Variants in RASAL2 observed in about 807,000 individuals in gnomAD.
RASAL2 encodes the protein RAS protein activator like 2.
A neutral mutation model predicts 128.9 loss-of-function variants in RASAL2; 58 were observed. The ratio of observed to expected loss-of-function variants is 0.45; its 90% confidence interval spans 0.36 to 0.56. RASAL2 has a LOEUF of 0.56. Among genes scored for constraint, RASAL2 ranks in the 20% least tolerant of loss-of-function variants. RASAL2 has a pLI of 0.00. For synonymous variants in RASAL2, 561 were observed against 580.8 expected (o/e 0.97, Z 0.49); for missense variants, 1,360 against 1,601.6 (o/e 0.85, Z 2.57).
Position 178,297,918 on chromosome 1 carries a change from T to C in RASAL2, c.331-2074T>C, listed in dbSNP as rs377115341. ...TTATTTGGATATGGCGTTTATAAAT[T>C]TGCATAGAAAAAATATTTCCTCCTA... On this transcript the variant is annotated intron_variant, in intron 2 of 17. Transcript: ENST00000367649. Among the ~76,000 whole-genome samples, 14 of 152,280 alleles carry C rather than the reference T, an allele frequency of 9.2e-5. No individual in the cohort carries two copies. In the East Asian group the frequency reaches 1.5e-3, roughly 17 times the overall value.
intron 3 of RASAL2, among the ~76,000 whole-genome samples, chr1:178,348,340 T>C (rs1389861136): frequency 2.0e-5 from 3 of 152,160 alleles, no homozygotes; most frequent in Non-Finnish European, 4.4e-5. Flanking sequence ...CAGGGTGGAG[T>C]GCAATGGCCC....
intron 1 of RASAL2, chr1:178,123,304 AG>A (rs370272239): frequency 1.9e-4 from 29 of 152,312 alleles, no homozygotes; most frequent in African/African-American, 3.8e-4. Context: ...AGAGAGAACG[AG>A]GGTATCTGTT....
intron 3 of RASAL2, among the ~76,000 whole-genome samples, chr1:178,304,512 G>C (rs1162490160): frequency 6.6e-6 from 1 of 152,144 alleles, no homozygotes; most frequent in African/African-American, 2.4e-5. Flanking sequence ...GACAGAGTGA[G>C]ACCTTGTCTC....
At chr1:178,456,972 T>G in intron 13 of RASAL2, 73 bp downstream of exon 13, 1 of 1,452,136 alleles carries the variant, frequency 6.9e-7, no homozygotes, top group East Asian at 2.3e-5. Flanking sequence ...ATATTCAACC[T>G]ATTTGTTGAA....
At chr1:178,448,537 A>G (rs544148847) in intron 9 of RASAL2, among the ~76,000 whole-genome samples, 2 of 152,322 alleles carry the variant, frequency 1.3e-5, no homozygotes, top group Middle Eastern at 3.4e-3. Context: ...TAAGAATGGT[A>G]CAAAGAGCTT....
chr1:178,097,287 G>T (rs1287174724), intron 1 of RASAL2, among the ~76,000 whole-genome samples: 1 of 152,186 alleles, frequency 6.6e-6, no homozygotes, highest in Non-Finnish European at 1.5e-5. Flanking sequence ...GGAGTAATTG[G>T]TATCTGTGGT....
At chr1:178,100,439 G>T (rs57105107) in intron 1 of RASAL2, among the ~76,000 whole-genome samples, 20 of 151,618 alleles carry the variant, frequency 1.3e-4, no homozygotes, top group African/African-American at 3.9e-4. Context: ...CACGAGAATC[G>T]CTTGAGCCCA....
rs1648812140 is a variant in RASAL2, at chr1:178,478,277, C to A, written c.*5038C>A. On this transcript the variant is annotated 3_prime_UTR_variant, in exon 18 of 18. Coordinates refer to ENST00000367649, the MANE Select transcript of RASAL2 (RefSeq NM_170692.4). ...GGTACAGATATTTATGTGTAAATAT[C>A]ATTTTATGTGATTTCCAAATTTTCG... The A allele has an allele frequency of 6.6e-6, 1 of 151,974 alleles. No homozygotes were observed. The highest frequency in any genetic ancestry group is 6.6e-5 in the Admixed American group (1 of 15,264). 9.4% of individuals were successfully genotyped at this position (151,974 alleles called of 1,614,324 possible).
At chr1:178,302,727 A>G (rs1034280526) in intron 3 of RASAL2, among the ~76,000 whole-genome samples, 9 of 152,224 alleles carry the variant, frequency 5.9e-5, no homozygotes, top group African/African-American at 1.9e-4. Flanking sequence ...AGACTTAATT[A>G]CTAGTATTAA....
chr1:178,401,053 T>C (rs932239385), intron 4 of RASAL2, among the ~76,000 whole-genome samples: 3 of 152,174 alleles, frequency 2.0e-5, no homozygotes, highest in Admixed American at 1.3e-4. Context: ...ACCCAGCCAA[T>C]AGTCAAAATA....
chr1:178,428,043 CT>C (rs74263839), intron 5 of RASAL2, among the ~76,000 whole-genome samples: 1,799 of 140,936 alleles, frequency 0.013, 9 homozygotes, highest in Middle Eastern at 0.026. Flanking sequence ...TTGAGATTGG[CT>C]TTTTTTTTTT....
At chr1:178,341,327 G>T in intron 3 of RASAL2, 1 of 852,644 alleles carries the variant, frequency 1.2e-6, no homozygotes, top group Non-Finnish European at 1.6e-6. Flanking sequence ...TGCTGTGAAA[G>T]AAAGCCCAGT....
intron 3 of RASAL2, among the ~76,000 whole-genome samples, chr1:178,350,711 T>A (rs886479779): frequency 6.6e-6 from 1 of 152,212 alleles, no homozygotes; most frequent in Middle Eastern, 3.4e-3. Context: ...AGATCCCTGT[T>A]TTTTGGCTTG....
rs959720965 is a variant in RASAL2, at chr1:178,294,901, C to T, written c.331-5091C>T. The stretch of plus-strand genomic sequence containing the variant: ...ACTGCACATGTCCAGGGAAAGACTA[C>T]GTAAGTTTTCCAGAGAGAAACTGAA... On this transcript the variant is annotated intron_variant, in intron 2 of 17. Coordinates refer to ENST00000367649, the MANE Select transcript of RASAL2 (RefSeq NM_170692.4). Among the ~76,000 whole-genome samples the T allele has an allele frequency of 2.6e-5, 4 of 152,148 alleles. No individual in the cohort carries two copies. In the South Asian group the frequency reaches 8.3e-4, roughly 32 times the overall value.
intron 17 of RASAL2, among the ~76,000 whole-genome samples, chr1:178,470,043 A>C (rs1052863970): frequency 3.3e-5 from 5 of 152,246 alleles, no homozygotes; most frequent in Admixed American, 3.3e-4. Flanking sequence ...ATACATTAAA[A>C]TCTTATTATA....
rs142555880 is a variant in RASAL2, at chr1:178,400,648, T to C, written c.564+10442T>C. ...ATTTTTGCTCTTTAAAAGTTTTATG[T>C]TATTGAATATTTTACAGTCATATAT... On this transcript the variant is annotated intron_variant, in intron 4 of 17. Coordinates refer to ENST00000367649, the MANE Select transcript of RASAL2 (RefSeq NM_170692.4). Among the ~76,000 whole-genome samples the C allele has an allele frequency of 7.7e-3, 1,171 of 152,332 alleles. 9 individuals carry two copies. The highest frequency in any genetic ancestry group is 9.8e-3 in the Non-Finnish European group (664 of 68,028).
intron 4 of RASAL2, among the ~76,000 whole-genome samples, chr1:178,410,422 A>G (rs1404504290): frequency 6.6e-6 from 1 of 152,182 alleles, no homozygotes; most frequent in Non-Finnish European, 1.5e-5. Flanking sequence ...TAAGAATTCT[A>G]GAAGATAACA....
intron 1 of RASAL2, among the ~76,000 whole-genome samples, chr1:178,206,083 A>G (rs1367719630): frequency 1.3e-5 from 2 of 152,116 alleles, no homozygotes; most frequent in Non-Finnish European, 2.9e-5. Context: ...TCTTAAATAG[A>G]GAATTCTTTT....
At chr1:178,138,661 C>T (rs1365294624) in intron 1 of RASAL2, among the ~76,000 whole-genome samples, 1 of 152,044 alleles carries the variant, frequency 6.6e-6, no homozygotes, top group African/African-American at 2.4e-5. Flanking sequence ...AATCAGGATA[C>T]ATGTTTGTGA....
Sources: allele counts gnomAD v4.1 joint callset (sites outside exome capture counted in the v4.1 genomes callset), GRCh38; gene constraint gnomAD v4.1.1; transcripts MANE v1.5; gene names NCBI Gene and HGNC (gene_info 2026-07-23, HGNC 2026-07-21).